PHAF1: variants seen among roughly 807,000 people sequenced by gnomAD.
PHAF1 encodes phagosome assembly factor 1.
Under a neutral mutation model 63.1 loss-of-function variants are expected in PHAF1, and 23 were observed. The observed-to-expected ratio is 0.36, with a 90% confidence interval of 0.26 to 0.52. The LOEUF is 0.52. Ranked by LOEUF, PHAF1 falls within the 20% of genes least tolerant of loss-of-function variation. PHAF1 has a pLI of 0.93. For synonymous variants in PHAF1, 167 were observed against 185.0 expected (o/e 0.90, Z 0.79); for missense variants, 427 against 517.2 (o/e 0.83, Z 1.69).
intron 1 of PHAF1, 102 bp from the exon 2 acceptor site, chr16:67,120,010 A>G (rs1031474699): frequency 3.2e-6 from 3 of 927,098 alleles, no homozygotes; most frequent in Non-Finnish European, 5.0e-6. Context: ...GTAGCCCCCA[A>G]ACATCCCCAG....
At chr16:67,130,864 G>A (rs1028449251) in intron 3 of PHAF1, among the ~76,000 whole-genome samples, 1 of 152,200 alleles carries the variant, frequency 6.6e-6, no homozygotes, top group African/African-American at 2.4e-5. Flanking sequence ...GACATCTGTT[G>A]AGCAGTCCAC....
At position 67,146,319 on chromosome 16, in the gene PHAF1, T is replaced by C; in HGVS notation, c.1151T>C (p.Phe384Ser). The C allele has an allele frequency of 6.2e-7, 1 of 1,614,206 alleles. No homozygotes were observed. ...AACACCAACCCATTTGGTTCCACAT[T>C]CTGCTTTGGTCTTCAGCGAATGATC... Reference protein sequence around the residue: ...PNNTNPFGSTFCFGLQRMIFE... With the variant: ...PNNTNPFGSTSCFGLQRMIFE... The change falls in exon 15 of 16, where the codon TTC (phenylalanine) becomes TCC (serine). Residue 384 changes from phenylalanine (F) to serine (S), a missense_variant. By Grantham distance (155) the Phe-to-Ser change is radical. Coordinates refer to ENST00000219139, the MANE Select transcript of PHAF1 (RefSeq NM_025187.5).
At chr16:67,138,579 T>C (rs906657821) in intron 8 of PHAF1, among the ~76,000 whole-genome samples, 10 of 152,186 alleles carry the variant, frequency 6.6e-5, no homozygotes, top group African/African-American at 2.4e-4. Context: ...GGGGAAATTT[T>C]TACTGTTGGT....
chr16:67,139,659 C>A, intron 8 of PHAF1: 1 of 244,740 alleles, frequency 4.1e-6, no homozygotes, highest in Non-Finnish European at 7.9e-6. Flanking sequence ...AGAAACTGCA[C>A]TGTTTTTGTT....
Position 67,147,128 on chromosome 16 carries a change from C to G in PHAF1, c.1266C>G (p.Pro422=). Residue 422 remains proline, a synonymous_variant, in exon 16 of 16, where the codon CCC becomes CCG. Coordinates refer to ENST00000219139, the MANE Select transcript of PHAF1 (RefSeq NM_025187.5). ...PGSHLRTAEL[P] ...GCCACCTGAGAACAGCGGAACTCCC[C>G]TAGGGACACCACCACCCATGCCCCT... The G allele has an allele frequency of 1.2e-6, 2 of 1,609,498 alleles. No homozygotes were observed. The highest frequency in any genetic ancestry group is 1.7e-6 in the Non-Finnish European group (2 of 1,175,868).
Position 67,137,111 on chromosome 16 carries a change from C to T in PHAF1, c.661+2644C>T, listed in dbSNP as rs1287105688. Among the ~76,000 whole-genome samples the T allele has an allele frequency of 5.3e-5, 8 of 151,606 alleles. No homozygotes were observed. The East Asian group carries it at 7.8e-4, about 15-fold the overall frequency. On this transcript the variant is annotated intron_variant, in intron 8 of 15. Coordinates refer to ENST00000219139, the MANE Select transcript of PHAF1 (RefSeq NM_025187.5). ...TGGAGCTTGCAGTGAGCCGAGATAG[C>T]GCCACCGCGCTCCAGCCTGAGCGAC...
intron 1 of PHAF1, among the ~76,000 whole-genome samples, chr16:67,116,469 C>T (rs190980942): frequency 1.3e-5 from 2 of 152,350 alleles, no homozygotes; most frequent in South Asian, 2.1e-4. Flanking sequence ...TGACTGCCAT[C>T]GGATGAAGCC....
At chr16:67,141,220 A>T (rs998263586) in intron 10 of PHAF1, among the ~76,000 whole-genome samples, 2 of 152,230 alleles carry the variant, frequency 1.3e-5, no homozygotes, top group Non-Finnish European at 2.9e-5. Context: ...AGCAAACAGT[A>T]GATTTCACAG....
chr16:67,117,313 T>A (rs1962779626), intron 1 of PHAF1, among the ~76,000 whole-genome samples: 1 of 147,680 alleles, frequency 6.8e-6, no homozygotes, highest in African/African-American at 2.5e-5. Flanking sequence ...CCTCCCAAAG[T>A]GCTGGGATTA....
intron 8 of PHAF1, among the ~76,000 whole-genome samples, chr16:67,138,134 C>G (rs1311246115): frequency 6.6e-6 from 1 of 152,010 alleles, no homozygotes; most frequent in Non-Finnish European, 1.5e-5. Context: ...GAAGACTTAC[C>G]TTTGAAGGGT....
At chr16:67,132,379 A>G (rs1245040870) in intron 4 of PHAF1, 67 bp from the exon 5 acceptor site, 1 of 1,326,204 alleles carries the variant, frequency 7.5e-7, no homozygotes, top group Non-Finnish European at 1.0e-6. Flanking sequence ...TCTCCCAGCT[A>G]CTATCTCACA....
intron 3 of PHAF1, among the ~76,000 whole-genome samples, chr16:67,127,979 TC>T (rs1963253944): frequency 1.3e-5 from 2 of 152,318 alleles, no homozygotes; most frequent in African/African-American, 4.8e-5. Context: ...AAAAGGGATG[TC>T]CAGCAGCCCA....
At chr16:67,116,187 T>C (rs138401118) in intron 1 of PHAF1, among the ~76,000 whole-genome samples, 1 of 152,332 alleles carries the variant, frequency 6.6e-6, no homozygotes, top group African/African-American at 2.4e-5. Context: ...CTTGTTCATA[T>C]TCTCAAACAT....
intron 10 of PHAF1, among the ~76,000 whole-genome samples, chr16:67,143,804 T>C (rs566157749): frequency 2.4e-4 from 36 of 151,582 alleles, no homozygotes; most frequent in African/African-American, 7.7e-4. Context: ...AGATAAGGTA[T>C]GGGGCCAGGC....
intron 1 of PHAF1, among the ~76,000 whole-genome samples, chr16:67,115,128 G>A (rs532422850): frequency 1.3e-5 from 2 of 152,174 alleles, no homozygotes; most frequent in Non-Finnish European, 2.9e-5. Flanking sequence ...AACAGGATTC[G>A]TGGTATAGGA....
At chr16:67,139,343 CTTTTT>C (rs1164245105) in intron 8 of PHAF1, among the ~76,000 whole-genome samples, 2 of 86,890 alleles carry the variant, frequency 2.3e-5, no homozygotes, top group Admixed American at 1.6e-4. Flanking sequence ...ACAGCACTGC[CTTTTT>C]TTTTTTTTTT....
chr16:67,123,396 G>A (rs1963062557), intron 2 of PHAF1, among the ~76,000 whole-genome samples: 1 of 151,316 alleles, frequency 6.6e-6, no homozygotes, highest in East Asian at 1.9e-4. Flanking sequence ...GGCCAACATG[G>A]TGAAACCCCG....
chr16:67,115,086 G>A (rs912706536), intron 1 of PHAF1, among the ~76,000 whole-genome samples: 2 of 151,970 alleles, frequency 1.3e-5, no homozygotes, highest in African/African-American at 4.8e-5. Flanking sequence ...TTGGTGGAGA[G>A]ACAATAGGAG....
chr16:67,129,704 A>G (rs1431268998), intron 3 of PHAF1, among the ~76,000 whole-genome samples: 2 of 152,204 alleles, frequency 1.3e-5, no homozygotes, highest in African/African-American at 4.8e-5. Context: ...CCGAGCCCCT[A>G]CCTGTGCTGC....
Sources: allele counts gnomAD v4.1 joint callset (sites outside exome capture counted in the v4.1 genomes callset), GRCh38; gene constraint gnomAD v4.1.1; transcripts MANE v1.5; gene names NCBI Gene and HGNC (gene_info 2026-07-23, HGNC 2026-07-21).